The following AMMECR1 variants were observed in gnomAD, a reference collection of about 807,000 sequenced individuals.
The protein encoded by AMMECR1 is AMMECR nuclear protein 1.
Under a neutral mutation model 22.5 loss-of-function variants are expected in AMMECR1, and 3 were observed. The observed-to-expected ratio is 0.13, with a 90% CI of 0.06 to 0.35. AMMECR1 has a LOEUF of 0.35. Ranked by LOEUF, AMMECR1 falls within the 10% of genes least tolerant of loss-of-function variation. The probability of loss-of-function intolerance (pLI) is 1.00; values close to 1 mark genes in which losing one functional copy is unlikely to be tolerated. For synonymous variants in AMMECR1, 130 were observed against 116.7 expected, an observed-to-expected ratio of 1.11 and a Z score of -0.74; for missense variants, 235 against 278.7, an observed-to-expected ratio of 0.84 and a Z score of 1.12.
At chrX:110,428,596 A>T (rs1720550256) in intron 1 of AMMECR1, among the ~76,000 whole-genome samples, 1 of 110,846 alleles carries the variant, frequency 9.0e-6, no homozygotes, top group Admixed American at 9.6e-5. Context: ...TGCCATCTGA[A>T]CACTCCCCCC....
At chrX:110,367,973 A>AATTATTATT (rs201193443) in intron 2 of AMMECR1, among the ~76,000 whole-genome samples, 2,534 of 85,265 alleles carry the variant, frequency 0.03, 44 homozygotes, top group Middle Eastern at 0.075. Context: ...AGTGCTGGCT[A>AATTATTATT]ATTATTATTA....
At chrX:110,410,120 T>C (rs901392762) in intron 2 of AMMECR1, among the ~76,000 whole-genome samples, 2 of 111,771 alleles carry the variant, frequency 1.8e-5, no homozygotes, top group Non-Finnish European at 3.8e-5. Context: ...GGTAGCCAGC[T>C]GAGTCACCGA....
rs994574271 is a variant in AMMECR1, at chrX:110,197,736, T to G, written c.*784A>C. The G allele has an allele frequency of 8.9e-6, 1 of 112,250 alleles. No homozygotes were observed. Among genetic ancestry groups the G allele is most frequent in the Non-Finnish European group, 1.9e-5 (1 of 53,187 alleles). 9.3% of individuals were successfully genotyped at this position (112,250 alleles called of 1,213,427 possible). ...GCCTTTTTGAAAGGTAGTTTGTACCTTCTCCAAACAGTGTTTTAGTTTGCA... is the reference window on the plus strand; with the variant it reads ...GCCTTTTTGAAAGGTAGTTTGTACCGTCTCCAAACAGTGTTTTAGTTTGCA... On this transcript the variant is annotated 3_prime_UTR_variant, in exon 6 of 6. Coordinates refer to ENST00000262844, the MANE Select transcript of AMMECR1 (RefSeq NM_015365.3).
intron 1 of AMMECR1, among the ~76,000 whole-genome samples, chrX:110,308,415 G>A (rs189231917): frequency 9.0e-6 from 1 of 111,469 alleles, no homozygotes; most frequent in East Asian, 2.8e-4. Context: ...TCTCCACACA[G>A]CCAATGCCTA....
chrX:110,390,912 C>T (rs2148286020), intron 2 of AMMECR1, among the ~76,000 whole-genome samples: 1 of 111,911 alleles, frequency 8.9e-6, no homozygotes, highest in East Asian at 2.8e-4. Context: ...CAGTGGTGAA[C>T]AGCAGCTGGT....
At chrX:110,278,276 A>T (rs968069232) in intron 1 of AMMECR1, among the ~76,000 whole-genome samples, 4 of 112,227 alleles carry the variant, frequency 3.6e-5, no homozygotes, top group African/African-American at 1.3e-4. Flanking sequence ...ATTATTTTTT[A>T]AAAATTCCTC....
chrX:110,392,563 G>GT (rs1569421018), intron 2 of AMMECR1, among the ~76,000 whole-genome samples: 1 of 112,084 alleles, frequency 8.9e-6, no homozygotes, highest in Non-Finnish European at 1.9e-5. Flanking sequence ...GATTATAGGC[G>GT]TGAGCCACTG....
intron 2 of AMMECR1, among the ~76,000 whole-genome samples, chrX:110,381,418 A>G (rs1388309325): frequency 2.7e-5 from 3 of 112,073 alleles, no homozygotes; most frequent in African/African-American, 9.7e-5. Flanking sequence ...AAAACGTCAA[A>G]AACAGCAGAT....
intron 2 of AMMECR1, among the ~76,000 whole-genome samples, chrX:110,373,693 G>A (rs1179978561): frequency 8.9e-6 from 1 of 112,013 alleles, no homozygotes; most frequent in Non-Finnish European, 1.9e-5. Flanking sequence ...TAGCCCTCAT[G>A]TATGAAAGAA....
intron 3 of AMMECR1, among the ~76,000 whole-genome samples, chrX:110,214,603 C>T (rs758311297): frequency 8.9e-6 from 1 of 111,955 alleles, no homozygotes; most frequent in Non-Finnish European, 1.9e-5. Flanking sequence ...ATGATGTACT[C>T]GGTGCTTAAC....
At chrX:110,315,997 G>C (rs1054294032) in intron 1 of AMMECR1, among the ~76,000 whole-genome samples, 3 of 112,281 alleles carry the variant, frequency 2.7e-5, no homozygotes, top group African/African-American at 9.7e-5. Flanking sequence ...TGTGGACTTA[G>C]GATTTAAGCT....
At chrX:110,410,110 G>A (rs2068631405) in intron 2 of AMMECR1, among the ~76,000 whole-genome samples, 1 of 111,631 alleles carries the variant, frequency 9.0e-6, no homozygotes, top group African/African-American at 3.3e-5. Context: ...TCGTTTTATG[G>A]GTAGCCAGCT....
chrX:110,384,735 G>A (rs897671677), intron 2 of AMMECR1, among the ~76,000 whole-genome samples: 1 of 110,669 alleles, frequency 9.0e-6, no homozygotes, highest in Non-Finnish European at 1.9e-5. Flanking sequence ...CACTATAAGA[G>A]CTTTTCTGTA....
intron 2 of AMMECR1, among the ~76,000 whole-genome samples, chrX:110,371,477 A>C (rs1281334639): frequency 9.0e-6 from 1 of 111,400 alleles, no homozygotes; most frequent in East Asian, 2.8e-4. Context: ...GCTATCAAAT[A>C]GCAGATCTTA....
chrX:110,429,447 A>G (rs1250790587), intron 1 of AMMECR1, among the ~76,000 whole-genome samples: 2 of 104,654 alleles, frequency 1.9e-5, no homozygotes, highest in Non-Finnish European at 3.8e-5. Context: ...GATGATACTT[A>G]GAGAAAAAGT....
chrX:110,409,553 C>T (rs1185633974), intron 2 of AMMECR1, among the ~76,000 whole-genome samples: 1 of 111,366 alleles, frequency 9.0e-6, no homozygotes, highest in Non-Finnish European at 1.9e-5. Flanking sequence ...TACGTATAAT[C>T]TGTCAATGCC....
intron 3 of AMMECR1, among the ~76,000 whole-genome samples, chrX:110,204,982 G>T (rs1357894575): frequency 8.9e-6 from 1 of 111,780 alleles, no homozygotes; most frequent in East Asian, 2.8e-4. Flanking sequence ...CCTGTAAATT[G>T]AACTGTAAGT....
intron 2 of AMMECR1, among the ~76,000 whole-genome samples, chrX:110,399,441 G>C (rs899948004): frequency 1.8e-5 from 2 of 112,373 alleles, no homozygotes; most frequent in East Asian, 5.5e-4. Flanking sequence ...ACAGCAGGTG[G>C]AGATGACCCT....
At chrX:110,439,932 T>A (rs1385365037) in exon 1 of AMMECR1, 1 of 110,436 alleles carries the variant, frequency 9.1e-6, no homozygotes, top group Non-Finnish European at 1.9e-5. Context: ...GCTTACAGGC[T>A]CCCGAATGCC....
Sources: allele counts gnomAD v4.1 joint callset (sites outside exome capture counted in the v4.1 genomes callset), GRCh38; gene constraint gnomAD v4.1.1; transcripts MANE v1.5; gene names NCBI Gene and HGNC (gene_info 2026-07-23, HGNC 2026-07-21).